The following GAB1 variants were observed in gnomAD, a reference collection of about 807,000 sequenced individuals.
GAB1 encodes the protein GRB2 associated binding protein 1.
Under a neutral mutation model 66.5 loss-of-function variants are expected in GAB1, and 19 were observed. The observed-to-expected ratio is 0.29, with a 90% CI of 0.20 to 0.42. GAB1 has a LOEUF of 0.42. GAB1 is among the 10% of genes least tolerant of loss of function. The probability of loss-of-function intolerance (pLI) is 1.00; values close to 1 mark genes in which losing one functional copy is unlikely to be tolerated. For missense variants in GAB1, 732 were observed against 858.5 expected (o/e 0.85, Z 1.84); for synonymous variants, 294 against 301.4 (o/e 0.98, Z 0.25).
chr4:143,386,963 G>C (rs1730946299), intron 1 of GAB1, among the ~76,000 whole-genome samples: 1 of 152,136 alleles, frequency 6.6e-6, no homozygotes, highest in Admixed American at 6.5e-5. Context: ...GTAGACAATG[G>C]GGAAATGAAC....
chr4:143,350,600 C>T (rs1473045101), intron 1 of GAB1, among the ~76,000 whole-genome samples: 1 of 150,328 alleles, frequency 6.7e-6, no homozygotes, highest in Non-Finnish European at 1.5e-5. Context: ...ATCGCTTGAA[C>T]CCGGGAGGCG....
chr4:143,430,237 G>A (rs1733581554), intron 2 of GAB1, among the ~76,000 whole-genome samples: 1 of 152,084 alleles, frequency 6.6e-6, no homozygotes, highest in Non-Finnish European at 1.5e-5. Context: ...GTAATGAAAT[G>A]TCTACAGTAG....
At chr4:143,349,975 A>G in intron 1 of GAB1, 2 of 1,588,234 alleles carry the variant, frequency 1.3e-6, no homozygotes, top group South Asian at 2.2e-5. Flanking sequence ...GGTGACGGGC[A>G]TCCACTCCTT....
At chr4:143,420,956 A>C (rs975460171) in intron 2 of GAB1, among the ~76,000 whole-genome samples, 6 of 152,036 alleles carry the variant, frequency 3.9e-5, no homozygotes, top group Non-Finnish European at 7.4e-5. Flanking sequence ...ACAGATCTTA[A>C]GTATACAGTT....
intron 2 of GAB1, among the ~76,000 whole-genome samples, chr4:143,431,081 TTATAGACATCACCCAGA>T (rs1438728162): frequency 6.6e-6 from 1 of 152,194 alleles, no homozygotes; most frequent in African/African-American, 2.4e-5. Flanking sequence ...AGAGCTCTTT[TTATAGACATCACCCAGA>T]CAACACATAT....
At position 143,457,725 on chromosome 4, in the gene GAB1, G is replaced by T. The variant is rs779785762; in HGVS notation, c.1586-1660G>T. The T allele has an allele frequency of 6.3e-6, 10 of 1,577,358 alleles. No homozygotes were observed. The South Asian group carries it at 1.1e-4, about 17-fold the overall frequency. On this transcript the variant is annotated intron_variant, in intron 6 of 9. Transcript: ENST00000262994. ...AGACTCAAACCCCATGGTTTAGAGCGAACTGATTCACAAACCATAGGTGAC... is the reference window on the plus strand; with the variant it reads ...AGACTCAAACCCCATGGTTTAGAGCTAACTGATTCACAAACCATAGGTGAC...
intron 1 of GAB1, among the ~76,000 whole-genome samples, chr4:143,374,282 G>A (rs1440422432): frequency 6.6e-6 from 1 of 152,064 alleles, no homozygotes; most frequent in Non-Finnish European, 1.5e-5. Flanking sequence ...AGTCAAGTCA[G>A]GTGACTTGTC....
chr4:143,373,856 T>C (rs1560725874), intron 1 of GAB1, among the ~76,000 whole-genome samples: 7 of 111,734 alleles, frequency 6.3e-5, no homozygotes, highest in Admixed American at 6.0e-4. Flanking sequence ...TCTCTCTCTC[T>C]GTAAATAAAT....
intron 1 of GAB1, among the ~76,000 whole-genome samples, chr4:143,378,629 G>GTCTCTCTCTCTCTCTCTC (rs3049720): frequency 7.7e-5 from 10 of 129,150 alleles, no homozygotes; most frequent in East Asian, 7.0e-4. Context: ...CTTCCAAAGT[G>GTCTCTCTCTCTCTCTCTC]TCTCTCTCTC....
chr4:143,388,808 C>A (rs1560734695), intron 1 of GAB1, among the ~76,000 whole-genome samples: 2 of 152,158 alleles, frequency 1.3e-5, no homozygotes, highest in Non-Finnish European at 2.9e-5. Context: ...AAAAAAAAAT[C>A]TATTTAACTG....
intron 2 of GAB1, among the ~76,000 whole-genome samples, chr4:143,429,568 G>A (rs1159992334): frequency 6.6e-6 from 1 of 152,152 alleles, no homozygotes; most frequent in Non-Finnish European, 1.5e-5. Context: ...TGGGTCCTGG[G>A]CCTGTTGGAA....
chr4:143,435,330 CTT>C (rs1307622372), intron 3 of GAB1, among the ~76,000 whole-genome samples: 1 of 152,100 alleles, frequency 6.6e-6, no homozygotes, highest in Non-Finnish European at 1.5e-5. Context: ...CAAATTCTAA[CTT>C]GATTTTGCTT....
chr4:143,415,840 A>T, intron 2 of GAB1, 69 bp downstream of exon 2: 1 of 1,194,778 alleles, frequency 8.4e-7, no homozygotes, highest in Non-Finnish European at 1.2e-6. Flanking sequence ...ATGTCATACA[A>T]TTCTTTGTTA....
At chr4:143,447,842 G>A (rs1374822324) in intron 6 of GAB1, among the ~76,000 whole-genome samples, 1 of 152,134 alleles carries the variant, frequency 6.6e-6, no homozygotes, top group Non-Finnish European at 1.5e-5. Context: ...GGAGTGGTGA[G>A]AGAGGGCATC....
At chr4:143,354,922 C>T (rs997667608) in intron 1 of GAB1, among the ~76,000 whole-genome samples, 1 of 152,282 alleles carries the variant, frequency 6.6e-6, no homozygotes, top group Admixed American at 6.5e-5. Flanking sequence ...GAAGCCCATG[C>T]TTTTACTAAG....
chr4:143,366,696 A>C (rs916390808), intron 1 of GAB1, among the ~76,000 whole-genome samples: 1 of 152,188 alleles, frequency 6.6e-6, no homozygotes, highest in African/African-American at 2.4e-5. Flanking sequence ...TTGTGTGGAT[A>C]TATCACACTT....
chr4:143,406,032 A>G (rs1732024816), intron 1 of GAB1, among the ~76,000 whole-genome samples: 1 of 152,004 alleles, frequency 6.6e-6, no homozygotes, highest in South Asian at 2.1e-4. Flanking sequence ...GTGGTATATC[A>G]TCGTTTATTT....
At chr4:143,411,399 C>A (rs1732383082) in intron 1 of GAB1, among the ~76,000 whole-genome samples, 1 of 152,210 alleles carries the variant, frequency 6.6e-6, no homozygotes, top group South Asian at 2.1e-4. Flanking sequence ...CTCAACTATG[C>A]AGACATCTTG....
intron 2 of GAB1, among the ~76,000 whole-genome samples, chr4:143,419,205 T>G (rs35592732): frequency 6.6e-6 from 1 of 152,116 alleles, no homozygotes; most frequent in East Asian, 1.9e-4. Flanking sequence ...ATATAAATTA[T>G]GCATTAAAAT....
Sources: allele counts gnomAD v4.1 joint callset (sites outside exome capture counted in the v4.1 genomes callset), GRCh38; gene constraint gnomAD v4.1.1; transcripts MANE v1.5; gene names NCBI Gene and HGNC (gene_info 2026-07-23, HGNC 2026-07-21).